KCNH7: variants seen among roughly 807,000 people sequenced by gnomAD.
The protein encoded by KCNH7 is potassium voltage-gated channel subfamily H member 7.
KCNH7 carries 49 observed loss-of-function variants against 120.8 expected under a neutral mutation model. The ratio of observed to expected loss-of-function variants is 0.41; its 90% CI spans 0.32 to 0.51. The LOEUF (loss-of-function observed/expected upper bound fraction) is 0.51. KCNH7 is among the 20% of genes least tolerant of loss of function. The pLI is 0.38. For synonymous variants in KCNH7, 547 were observed against 516.1 expected, an observed-to-expected ratio of 1.06 and a Z score of -0.81; for missense variants, 1,097 against 1,446.6, an observed-to-expected ratio of 0.76 and a Z score of 3.92.
At chr2:162,390,185 T>G (rs2105424157) in intron 12 of KCNH7, among the ~76,000 whole-genome samples, 1 of 151,854 alleles carries the variant, frequency 6.6e-6, no homozygotes, top group South Asian at 2.1e-4. Context: ...AAATATTTGG[T>G]CTTATAAGCC....
At chr2:162,419,863 A>C (rs769853917) in intron 9 of KCNH7, among the ~76,000 whole-genome samples, 2 of 152,166 alleles carry the variant, frequency 1.3e-5, no homozygotes, top group Non-Finnish European at 2.9e-5. Context: ...GTTGTAACTA[A>C]AACAGTGTTA....
intron 5 of KCNH7, among the ~76,000 whole-genome samples, chr2:162,507,708 T>C (rs1690930688): frequency 6.6e-6 from 1 of 151,630 alleles, no homozygotes; most frequent in Non-Finnish European, 1.5e-5. Context: ...GACACTACTA[T>C]TAAAAGCAAG....
At chr2:162,519,973 T>A (rs1223616965) in intron 3 of KCNH7, among the ~76,000 whole-genome samples, 1 of 151,702 alleles carries the variant, frequency 6.6e-6, no homozygotes, top group Non-Finnish European at 1.5e-5. Context: ...TTTTTCTACA[T>A]GCACATATTT....
In KCNH7 at chr2:162,584,214, G is replaced by T. The variant is rs181124503; in HGVS notation, c.308-47134C>A. ...CCTCTAATACCATATGCTGTTTGAT[G>T]ATGTAATTTACATTTTGTTTTACAT... On this transcript the variant is annotated intron_variant, in intron 2 of 15. Transcript: ENST00000332142. Among the ~76,000 whole-genome samples, 10 of 152,190 alleles carry T rather than the reference G, an allele frequency of 6.6e-5. No individual in the cohort carries two copies. In the East Asian group the frequency reaches 1.9e-3, roughly 30 times the overall value.
chr2:162,566,423 G>A (rs1693259022), intron 2 of KCNH7, among the ~76,000 whole-genome samples: 1 of 151,948 alleles, frequency 6.6e-6, no homozygotes, highest in Non-Finnish European at 1.5e-5. Flanking sequence ...GTTAGAATGA[G>A]ACTGAGCTCA....
intron 2 of KCNH7, among the ~76,000 whole-genome samples, chr2:162,762,857 A>G (rs997271423): frequency 6.6e-6 from 1 of 152,116 alleles, no homozygotes; most frequent in Non-Finnish European, 1.5e-5. Context: ...GGGAGGTATG[A>G]GTCTTAATCT....
intron 14 of KCNH7, among the ~76,000 whole-genome samples, chr2:162,375,157 C>G (rs1290153799): frequency 6.6e-6 from 1 of 152,166 alleles, no homozygotes; most frequent in Non-Finnish European, 1.5e-5. Context: ...TCAGATTTAT[C>G]ATAAATATTT....
chr2:162,799,276 T>A (rs1684258882), intron 2 of KCNH7, among the ~76,000 whole-genome samples: 1 of 152,006 alleles, frequency 6.6e-6, no homozygotes, highest in African/African-American at 2.4e-5. Flanking sequence ...GGGGTCTGAA[T>A]GGTCCCTATA....
chr2:162,601,400 T>C (rs1056447609), intron 2 of KCNH7, among the ~76,000 whole-genome samples: 1 of 64,138 alleles, frequency 1.6e-5, no homozygotes, highest in Non-Finnish European at 3.5e-5. Flanking sequence ...CTTCTTGTGC[T>C]TTTTTTTTTT....
At chr2:162,808,673 T>C (rs1684632624) in intron 2 of KCNH7, among the ~76,000 whole-genome samples, 1 of 152,094 alleles carries the variant, frequency 6.6e-6, no homozygotes, top group Non-Finnish European at 1.5e-5. Flanking sequence ...TCAGTTTACT[T>C]CCATTTTGGA....
At chr2:162,597,748 A>G (rs1694424909) in intron 2 of KCNH7, among the ~76,000 whole-genome samples, 1 of 152,130 alleles carries the variant, frequency 6.6e-6, no homozygotes, top group Non-Finnish European at 1.5e-5. Context: ...GAATAAGTTC[A>G]TTGACCTGAT....
intron 9 of KCNH7, among the ~76,000 whole-genome samples, chr2:162,418,923 C>A (rs1459111487): frequency 6.6e-6 from 1 of 151,906 alleles, no homozygotes; most frequent in Non-Finnish European, 1.5e-5. Flanking sequence ...CACTCAGCAT[C>A]TCACTATGAT....
chr2:162,438,394 A>AT (rs1471647900), intron 7 of KCNH7, among the ~76,000 whole-genome samples: 1 of 152,184 alleles, frequency 6.6e-6, no homozygotes, highest in Admixed American at 6.6e-5. Flanking sequence ...CTCTAAGCAG[A>AT]TAAATCAATA....
intron 6 of KCNH7, among the ~76,000 whole-genome samples, chr2:162,478,021 T>C (rs1689806076): frequency 6.6e-6 from 1 of 152,096 alleles, no homozygotes; most frequent in Non-Finnish European, 1.5e-5. Context: ...GTGATATGTG[T>C]GATAGAAGAT....
At chr2:162,434,096 G>A (rs2105518337) in intron 8 of KCNH7, among the ~76,000 whole-genome samples, 1 of 152,212 alleles carries the variant, frequency 6.6e-6, no homozygotes, top group South Asian at 2.1e-4. Flanking sequence ...GGCGGCAGCT[G>A]GAGGCCATTA....
chr2:162,834,553 T>C (rs1559155780), intron 2 of KCNH7, among the ~76,000 whole-genome samples: 1 of 152,090 alleles, frequency 6.6e-6, no homozygotes, highest in African/African-American at 2.4e-5. Flanking sequence ...AGTCCCTTTC[T>C]GAAAACAGGG....
chr2:162,813,770 T>G (rs1309354916), intron 2 of KCNH7, among the ~76,000 whole-genome samples: 1 of 152,202 alleles, frequency 6.6e-6, no homozygotes, highest in Non-Finnish European at 1.5e-5. Context: ...AGAAATGAGT[T>G]CCAGTGAATT....
At chr2:162,834,571 A>C (rs1036542087) in intron 2 of KCNH7, among the ~76,000 whole-genome samples, 1 of 152,126 alleles carries the variant, frequency 6.6e-6, no homozygotes, top group Non-Finnish European at 1.5e-5. Flanking sequence ...GGGGAGTTTT[A>C]ATGCATATAA....
Position 162,371,922 on chromosome 2 carries a change from A to G in KCNH7, c.3498T>C (p.Ile1166=), listed in dbSNP as rs1364698139. ...LRQRKTYVHP[I]RHPSLPDSSL... is the part of the protein sequence containing the mutation. ...ATGAATCTGGCAAAGAAGGATGCCT[A>G]ATTGGATGAACGTAAGTTTTTCTTT... The change falls in exon 16 of 16, where the codon ATT becomes ATC. Residue 1166 remains isoleucine, a synonymous_variant. Transcript: ENST00000332142. The G allele has an allele frequency of 1.2e-6, 2 of 1,613,742 alleles. No homozygotes were observed. Among genetic ancestry groups the G allele is most frequent in the African/African-American group, 1.3e-5 (1 of 74,928 alleles).
Sources: gnomAD v4.1 joint callset for allele counts (sites outside exome capture counted in the v4.1 genomes callset) on GRCh38, gnomAD v4.1.1 for gene constraint, MANE v1.5 for transcripts, NCBI Gene and HGNC (gene_info 2026-07-23, HGNC 2026-07-21) for gene names.